The following CAD variants were observed in gnomAD, a reference collection of about 807,000 sequenced individuals.
CAD encodes the protein multifunctional protein CAD.
A neutral mutation model predicts 237.2 loss-of-function variants in CAD; 81 were observed. That is an observed-to-expected ratio of 0.34 (90% CI 0.29 to 0.41). CAD has a LOEUF of 0.41. Ranked by LOEUF, CAD falls within the 10% of genes least tolerant of loss-of-function variation. The pLI is 1.00. For synonymous variants in CAD, 1,196 were observed against 1,162.8 expected, an observed-to-expected ratio of 1.03 and a Z score of -0.58; for missense variants, 2,181 against 2,951.7, an observed-to-expected ratio of 0.74 and a Z score of 6.05.
chr2:27,222,413 C>G, intron 4 of CAD, 77 bp downstream of exon 4: 1 of 1,582,346 alleles, frequency 6.3e-7, no homozygotes, highest in South Asian at 1.1e-5. Flanking sequence ...GGGGTGAACA[C>G]AGGAGAGAAT....
chr2:27,224,543 A>G, intron 9 of CAD, 53 bp downstream of exon 9: 6 of 1,589,122 alleles, frequency 3.8e-6, no homozygotes, highest in Non-Finnish European at 5.1e-6. Flanking sequence ...AAGAATGGAA[A>G]GGGTCTTAAG....
chr2:27,226,020 C>G (rs1431311586), intron 12 of CAD, 94 bp downstream of exon 12: 2 of 1,482,870 alleles, frequency 1.3e-6, no homozygotes, highest in Non-Finnish European at 1.9e-6. Flanking sequence ...AGTTGTATGT[C>G]CCTCAGACCC....
chr2:27,226,612 G>A lies in CAD; in HGVS notation c.2119G>A (p.Ala707Thr). The A allele has an allele frequency of 6.2e-7, 1 of 1,614,162 alleles. No individual in the cohort carries two copies. Among genetic ancestry groups the A allele is most frequent in the Non-Finnish European group, 8.5e-7 (1 of 1,180,016 alleles). Residue 707 changes from alanine (A) to threonine (T), a missense_variant, in exon 14 of 44, where the codon GCC (alanine) becomes ACC (threonine). Coordinates refer to ENST00000264705, the MANE Select transcript of CAD (RefSeq NM_004341.5). ...ATGYPLAYVA[A>T]KLALGIPLPE... The stretch of plus-strand genomic sequence containing the variant: ...AGGTTATCCACTGGCTTATGTGGCA[G>A]CCAAGCTAGCATTGGGCATCCCTTT...
At chr2:27,218,967 C>G (rs1385227545) in intron 2 of CAD, among the ~76,000 whole-genome samples, 1 of 152,196 alleles carries the variant, frequency 6.6e-6, no homozygotes, top group Non-Finnish European at 1.5e-5. Context: ...AGGTTCATCA[C>G]AAACCTACAA....
rs1287827335 is a variant in CAD at position 27,243,252 on chromosome 2, ATGG to A, written c.6541_6543del (p.Val2181del). 1.2e-6 allele frequency: 2 copies of A among 1,613,948 alleles called. No individual in the cohort carries two copies. The highest frequency in any genetic ancestry group is 2.2e-5 in the East Asian group (1 of 44,876). On this transcript the variant is annotated inframe_deletion, in exon 43 of 44. Coordinates refer to ENST00000264705, the MANE Select transcript of CAD (RefSeq NM_004341.5). ...CATCATGACCCGGGCCAAGAAGAAG[ATGG>A]TGGTGATGCACCCGATGCCCCGTGT...
chr2:27,234,597 A>G lies in CAD; in HGVS notation c.3698A>G (p.Asp1233Gly). 1 of 1,613,934 alleles carries G rather than the reference A, an allele frequency of 6.2e-7. No individual in the cohort carries two copies. ...FPFVSKTLGV[D>G]LVALATRVIM... is the part of the protein sequence containing the mutation. ...TTCGTTTCCAAGACACTGGGTGTGG[A>G]CCTAGTAGCCTTGGCCACGCGGGTC... Residue 1233 changes from aspartate to glycine, a missense_variant, in exon 23 of 44, where the codon GAC becomes GGC. Coordinates refer to ENST00000264705, the MANE Select transcript of CAD (RefSeq NM_004341.5).
In CAD at chr2:27,217,453, C is replaced by A; in HGVS notation, c.-99C>A. 1.9e-6 allele frequency: 2 copies of A among 1,066,028 alleles called. No individual in the cohort carries two copies. Among genetic ancestry groups the A allele is most frequent in the Non-Finnish European group, 2.8e-6 (2 of 706,552 alleles). 66.0% of individuals were successfully genotyped at this position (1,066,028 alleles called of 1,614,324 possible). ...CTCCAGCGCCCCGCGCCGTTAGCCACGTGGACCGACTCCGGCGCGCCGTCC... is the reference window on the plus strand; with the variant it reads ...CTCCAGCGCCCCGCGCCGTTAGCCAAGTGGACCGACTCCGGCGCGCCGTCC... On this transcript the variant is annotated 5_prime_UTR_variant, in exon 1 of 44. Coordinates refer to ENST00000264705, the MANE Select transcript of CAD (RefSeq NM_004341.5).
At chr2:27,238,977 G>C (rs1676160330) in intron 31 of CAD, 65 bp from the exon 32 acceptor site, 2 of 1,430,620 alleles carry the variant, frequency 1.4e-6, no homozygotes, top group East Asian at 2.3e-5. Context: ...GCAGTCCTGG[G>C]GTGTGAGTGA....
Position 27,233,023 on chromosome 2 carries a change from CT to C in CAD, c.2893-17del. ...TCCTCCCACCTGACTGCTAAGTACC[CT>C]TCCCCTCCCTCTTGCAGATGGGATA... On this transcript the variant is annotated intron_variant, in intron 18 of 43. Coordinates refer to ENST00000264705, the MANE Select transcript of CAD (RefSeq NM_004341.5). The surrounding 1 kb of genome is among the most constrained non-coding windows in gnomAD (Gnocchi z 6.3). 1 of 1,520,472 alleles carries C rather than the reference CT, an allele frequency of 6.6e-7. No homozygotes were observed. Among genetic ancestry groups the C allele is most frequent in the Non-Finnish European group, 9.1e-7 (1 of 1,094,636 alleles). The allele number at this position is 1,520,472 out of a possible 1,614,324, so 94.2% of individuals were successfully genotyped here.
In CAD at chr2:27,242,923, A is replaced by G; in HGVS notation, c.6430A>G (p.Met2144Val). Residue 2144 changes from methionine to valine, a missense_variant, in exon 42 of 44, where the codon ATG (methionine) becomes GTG (valine). Met to Val is a conservative substitution (Grantham distance 21). Coordinates refer to ENST00000264705, the MANE Select transcript of CAD (RefSeq NM_004341.5). The surrounding 1 kb of genome is among the most constrained non-coding windows in gnomAD (Gnocchi z 6.4). ...GCTGCCTGACACTGATGTGCTCTAC[A>G]TGACTCGAATCCAGAAGGAACGATT... ...EALPDTDVLYMTRIQKERFGS... is the reference protein window; with the variant it reads ...EALPDTDVLYVTRIQKERFGS... 1.9e-6 allele frequency: 3 copies of G among 1,611,868 alleles called. No homozygotes were observed. Among genetic ancestry groups the G allele is most frequent in the South Asian group, 1.1e-5 (1 of 91,026 alleles).
intron 15 of CAD, among the ~76,000 whole-genome samples, chr2:27,229,178 A>G (rs1675601329): frequency 6.6e-6 from 1 of 151,940 alleles, no homozygotes; most frequent in Non-Finnish European, 1.5e-5. Context: ...TCGGCCTCCC[A>G]AAGTGCTGGG....
At chr2:27,230,943 T>C (rs1675720802) in intron 15 of CAD, among the ~76,000 whole-genome samples, 1 of 152,250 alleles carries the variant, frequency 6.6e-6, no homozygotes, top group Non-Finnish European at 1.5e-5. Context: ...GCACAAAGCC[T>C]GAGCTTATCC....
chr2:27,222,624 A>ACTGTGGTACCCTG lies in CAD; in HGVS notation c.602_614dup (p.Trp205CysfsTer15), dbSNP rs1675229170. On this transcript the variant is annotated frameshift_variant, in exon 5 of 44. Transcript: ENST00000264705. LOFTEE classifies it high-confidence loss of function. ...CCTCTGCCAGCGTGGGGCTGAGGTC[A>ACTGTGGTACCCTG]CTGTGGTACCCTGGGACCATGCACT... 1 of 1,613,952 alleles carries ACTGTGGTACCCTG rather than the reference A, an allele frequency of 6.2e-7. No individual in the cohort carries two copies. Among genetic ancestry groups the ACTGTGGTACCCTG allele is most frequent in the Non-Finnish European group, 8.5e-7 (1 of 1,180,012 alleles).
chr2:27,223,007 T>C lies in CAD; in HGVS notation c.779T>C (p.Leu260Ser), dbSNP rs773478601. 4.0e-5 allele frequency: 64 copies of C among 1,614,062 alleles called. No homozygotes were observed. The highest frequency in any genetic ancestry group is 4.9e-5 in the Non-Finnish European group (58 of 1,180,052). Residue 260 changes from leucine (L) to serine (S), a missense_variant, in exon 6 of 44, where the codon TTA (leucine) becomes TCA (serine). By Grantham distance (145) the Leu-to-Ser change is moderately radical. This residue lies in a region of CAD where 314 missense variants were observed against 339.4 expected (regional missense o/e 0.93). Transcript: ENST00000264705. ...TGCCTGGGACACCAGCTATTGGCCTTAGCCATTGGGGCCAAGACTTACAAG... is the reference window on the plus strand; with the variant it reads ...TGCCTGGGACACCAGCTATTGGCCTCAGCCATTGGGGCCAAGACTTACAAG... ...GICLGHQLLA[L>S]AIGAKTYKMR...
chr2:27,240,962 C>G lies in CAD; in HGVS notation c.5638+7C>G. 6.2e-7 allele frequency: 1 copy of G among 1,614,118 alleles called. No homozygotes were observed. Among genetic ancestry groups the G allele is most frequent in the Non-Finnish European group, 8.5e-7 (1 of 1,179,988 alleles). On this transcript the variant is annotated splice_region_variant and intron_variant, in intron 36 of 43. Transcript: ENST00000264705. The surrounding 1 kb of genome is among the most constrained non-coding windows in gnomAD (Gnocchi z 4.6). ...CGGAAGGTAGCCGAGCCAGGTGAGACTCCACCCTGACACACACTCACCTCG... is the reference window on the plus strand; with the variant it reads ...CGGAAGGTAGCCGAGCCAGGTGAGAGTCCACCCTGACACACACTCACCTCG...
chr2:27,242,780 GACCCTCACA>G lies in CAD; in HGVS notation c.6378+6_6378+14del, dbSNP rs758581960. The stretch of plus-strand genomic sequence containing the variant: ...GCCTCCCGCGGCACCAAGCAGGTGA[GACCCTCACA>G]GCCCTGCCTGGAAGCCATGGAGATG... On this transcript the variant is annotated splice_donor_region_variant and intron_variant, in intron 41 of 43. Coordinates refer to ENST00000264705, the MANE Select transcript of CAD (RefSeq NM_004341.5). This position sits in a 1 kb window ranked among gnomAD's most constrained non-coding sequence, Gnocchi z 6.4. 2.5e-6 allele frequency: 4 copies of G among 1,614,202 alleles called. No homozygotes were observed. The highest frequency in any genetic ancestry group is 1.7e-4 in the Middle Eastern group (1 of 6,060).
chr2:27,226,217 G>A lies in CAD; in HGVS notation c.1929G>A (p.Arg643=), dbSNP rs1409924560. ...CCCCTAGCCAGACACTGAATGACAG[G>A]GAGTATCAGCTCCTGAGGCAGACAG... ...VVAPSQTLND[R]EYQLLRQTAI... Residue 643 remains arginine (R), a synonymous_variant, in exon 13 of 44, where the codon AGG becomes AGA. Transcript: ENST00000264705. 1 of 1,614,150 alleles carries A rather than the reference G, an allele frequency of 6.2e-7. No individual in the cohort carries two copies. The highest frequency in any genetic ancestry group is 1.7e-5 in the Admixed American group (1 of 60,026).
chr2:27,222,400 TGGG>T (rs1675217213), intron 4 of CAD, 64 bp downstream of exon 4: 5 of 1,584,982 alleles, frequency 3.2e-6, no homozygotes, highest in African/African-American at 1.3e-5. Flanking sequence ...TGCCCACAAT[TGGG>T]GGGTGAACAC....
At chr2:27,222,149 C>T in intron 3 of CAD, 45 bp from the exon 4 acceptor site, 1 of 1,582,194 alleles carries the variant, frequency 6.3e-7, no homozygotes, top group Non-Finnish European at 8.7e-7. Flanking sequence ...TCACAGATGA[C>T]TGAGTTGTAG....
Sources: allele counts gnomAD v4.1 joint callset (sites outside exome capture counted in the v4.1 genomes callset), GRCh38; gene constraint gnomAD v4.1.1; regional missense constraint gnomAD v4.1.1; non-coding constraint Gnocchi (gnomAD v3.1); transcripts MANE v1.5; gene names NCBI Gene and HGNC (gene_info 2026-07-23, HGNC 2026-07-21).